The following KDM4E variants were observed in gnomAD, a reference collection of about 807,000 sequenced individuals.
KDM4E encodes lysine demethylase 4E, also known as lysine-specific demethylase 4E.
For synonymous variants in KDM4E, 229 were observed against 232.9 expected, an observed-to-expected ratio of 0.98 and a Z score of 0.15; for missense variants, 576 against 642.6, an observed-to-expected ratio of 0.90 and a Z score of 1.12.
chr11:95,027,267 A>G lies in KDM4E; in HGVS notation c.*189A>G, dbSNP rs1858283709. 1 of 829,334 alleles carries G rather than the reference A, an allele frequency of 1.2e-6. No homozygotes were observed. Among genetic ancestry groups the G allele is most frequent in the Non-Finnish European group, 1.8e-6 (1 of 550,220 alleles). 51.4% of individuals were successfully genotyped at this position (829,334 alleles called of 1,614,324 possible). A position where few individuals can be genotyped will look rare whatever the true frequency, so the allele number is the denominator to read the frequency against. On this transcript the variant is annotated 3_prime_UTR_variant, in exon 1 of 1. Coordinates refer to ENST00000450979, the MANE Select transcript of KDM4E (RefSeq NM_001161630.1). Reference sequence around the variant, plus strand: ...TCCTCCCAATGTCATTGTGCCTTTGATTAAGTTTTCCAGGGACACTGGTGG... The same window carrying G: ...TCCTCCCAATGTCATTGTGCCTTTGGTTAAGTTTTCCAGGGACACTGGTGG...
Position 95,025,382 on chromosome 11 carries a change from T to A in KDM4E, c.-176T>A. 1 of 860,298 alleles carries A rather than the reference T, an allele frequency of 1.2e-6. No homozygotes were observed. The highest frequency in any genetic ancestry group is 2.1e-5 in the South Asian group (1 of 46,788). The allele number at this position is 860,298 out of a possible 1,614,324, so 53.3% of individuals were successfully genotyped here. A position where few individuals can be genotyped will look rare whatever the true frequency, so the allele number is the denominator to read the frequency against. ...ACTAGAGTGGAGTCCCCCTGGGGAGTCAGAAAGCCTGTGAAAGATCTCACT... is the reference window on the plus strand; with the variant it reads ...ACTAGAGTGGAGTCCCCCTGGGGAGACAGAAAGCCTGTGAAAGATCTCACT... On this transcript the variant is annotated 5_prime_UTR_variant, in exon 1 of 1. Coordinates refer to ENST00000450979, the MANE Select transcript of KDM4E (RefSeq NM_001161630.1).
rs782370673 is a variant in KDM4E at position 95,025,562 on chromosome 11, A to G, written c.5A>G (p.Lys2Arg). Reference sequence around the variant, plus strand: ...AGCTGCTTCTTGTGTGCAGCCATGAAGTCTGTGCACTCCAGTCCCCAGAAC... The same window carrying G: ...AGCTGCTTCTTGTGTGCAGCCATGAGGTCTGTGCACTCCAGTCCCCAGAAC... M[K>R]SVHSSPQNTS... The change falls in exon 1 of 1, where the codon AAG (lysine) becomes AGG (arginine). Residue 2 changes from lysine (K) to arginine (R), a missense_variant. Coordinates refer to ENST00000450979, the MANE Select transcript of KDM4E (RefSeq NM_001161630.1). The G allele has an allele frequency of 1.3e-6, 2 of 1,527,102 alleles. No homozygotes were observed. The highest frequency in any genetic ancestry group is 1.8e-6 in the Non-Finnish European group (2 of 1,138,832). The allele number at this position is 1,527,102 out of a possible 1,614,324, so 94.6% of individuals were successfully genotyped here.
chr11:95,026,033 A>T lies in KDM4E; in HGVS notation c.476A>T (p.Asp159Val), dbSNP rs781959672. 1.9e-6 allele frequency: 3 copies of T among 1,611,422 alleles called. No homozygotes were observed. The South Asian group carries it at 3.3e-5, about 18-fold the overall frequency. ...WNLGHLGTILDLLEQECGVVI... is the reference protein window; with the variant it reads ...WNLGHLGTILVLLEQECGVVI... ...CTAGGACACCTGGGAACAATTCTGG[A>T]CCTGTTGGAGCAGGAATGTGGGGTT... Residue 159 changes from aspartate to valine, a missense_variant, in exon 1 of 1, where the codon GAC (aspartate) becomes GTC (valine). Coordinates refer to ENST00000450979, the MANE Select transcript of KDM4E (RefSeq NM_001161630.1).
Position 95,026,868 on chromosome 11 carries a change from T to C in KDM4E, c.1311T>C (p.Ser437=). The C allele has an allele frequency of 6.5e-7, 1 of 1,536,800 alleles. No homozygotes were observed. ...TCCCTTCCACTGGAAGCTGGGGTTC[T>C]GGTCGTGGTCGTGGTCGTGGTCAAG... ...VLLPSTGSWG[S]GRGRGRGQGQ... Residue 437 remains serine (S), a synonymous_variant, in exon 1 of 1, where the codon TCT becomes TCC. Coordinates refer to ENST00000450979, the MANE Select transcript of KDM4E (RefSeq NM_001161630.1).
At position 95,025,490 on chromosome 11, in the gene KDM4E, C is replaced by G; in HGVS notation, c.-68C>G. On this transcript the variant is annotated 5_prime_UTR_variant, in exon 1 of 1. Coordinates refer to ENST00000450979, the MANE Select transcript of KDM4E (RefSeq NM_001161630.1). ...AACAAAGGGGAGAAAAGAAATTACT[C>G]CCCAGAACTCTCAGGCATCTAGAGG... is the stretch of plus-strand genomic sequence containing the variant. 1 of 1,455,538 alleles carries G rather than the reference C, an allele frequency of 6.9e-7. No homozygotes were observed. Among genetic ancestry groups the G allele is most frequent in the Non-Finnish European group, 9.0e-7 (1 of 1,107,456 alleles). 90.2% of individuals were successfully genotyped at this position (1,455,538 alleles called of 1,614,324 possible).
chr11:95,026,059 G>C lies in KDM4E; in HGVS notation c.502G>C (p.Val168Leu). The C allele has an allele frequency of 6.2e-7, 1 of 1,613,620 alleles. No homozygotes were observed. Among genetic ancestry groups the C allele is most frequent in the Non-Finnish European group, 8.5e-7 (1 of 1,179,740 alleles). ...CCTGTTGGAGCAGGAATGTGGGGTT[G>C]TCATCGAGGGTGTCAACACACCCTA... The part of the protein sequence containing the change: ...LDLLEQECGV[V>L]IEGVNTPYLY... The change falls in exon 1 of 1, where the codon GTC becomes CTC. Residue 168 changes from valine to leucine, a missense_variant. Physicochemically the swap from Val to Leu is conservative, Grantham distance 32. Coordinates refer to ENST00000450979, the MANE Select transcript of KDM4E (RefSeq NM_001161630.1).
Position 95,026,425 on chromosome 11 carries a change from A to G in KDM4E, c.868A>G (p.Ile290Val). 6.2e-7 allele frequency: 1 copy of G among 1,612,948 alleles called. No individual in the cohort carries two copies. The highest frequency in any genetic ancestry group is 8.5e-7 in the Non-Finnish European group (1 of 1,180,008). Residue 290 changes from isoleucine (I) to valine (V), a missense_variant, in exon 1 of 1, where the codon ATT becomes GTT. Coordinates refer to ENST00000450979, the MANE Select transcript of KDM4E (RefSeq NM_001161630.1). ...FNHGFNCAEA[I>V]NFATPRWIDY... ...TCACGGCTTCAACTGCGCAGAAGCC[A>G]TTAATTTTGCCACTCCACGATGGAT...
chr11:95,026,951 G>T lies in KDM4E; in HGVS notation c.1394G>T (p.Gly465Val). 1.3e-6 allele frequency: 2 copies of T among 1,537,174 alleles called. No individual in the cohort carries two copies. Among genetic ancestry groups the T allele is most frequent in the Non-Finnish European group, 1.7e-6 (2 of 1,146,900 alleles). The change falls in exon 1 of 1, where the codon GGG becomes GTG. Residue 465 changes from glycine to valine, a missense_variant. Transcript: ENST00000450979. The part of the protein sequence containing the change: ...RGHGCCTREL[G>V]TEEPTVQPAS... ...CATGGTTGTTGTACTCGAGAACTGG[G>T]GACTGAGGAGCCAACTGTTCAGCCT...
chr11:95,027,110 T>G lies in KDM4E; in HGVS notation c.*32T>G, dbSNP rs1555103107. 3.9e-6 allele frequency: 6 copies of G among 1,529,414 alleles called. No homozygotes were observed. The highest frequency in any genetic ancestry group is 1.4e-5 in the African/African-American group (1 of 72,688). The allele number at this position is 1,529,414 out of a possible 1,614,324, so 94.7% of individuals were successfully genotyped here. On this transcript the variant is annotated 3_prime_UTR_variant, in exon 1 of 1. Transcript: ENST00000450979. Reference sequence around the variant, plus strand: ...GCCTTCAGCATCTTGCCAAGGCTTCTGGCTGCTGCTGTGTCCCTGATCTTC... The same window carrying G: ...GCCTTCAGCATCTTGCCAAGGCTTCGGGCTGCTGCTGTGTCCCTGATCTTC...
rs117444219 is a variant in KDM4E at position 95,025,528 on chromosome 11, G to T, written c.-30G>T. ...AGGCATCTAGAGGACACCCAAGAAC[G>T]TGGGAGTCAGCTGCTTCTTGTGTGC... On this transcript the variant is annotated 5_prime_UTR_variant, in exon 1 of 1. Coordinates refer to ENST00000450979, the MANE Select transcript of KDM4E (RefSeq NM_001161630.1). The T allele has an allele frequency of 3.7e-5, 56 of 1,507,766 alleles. No individual in the cohort carries two copies. The highest frequency in any genetic ancestry group is 4.3e-5 in the Non-Finnish European group (48 of 1,128,368). 93.4% of individuals were successfully genotyped at this position (1,507,766 alleles called of 1,614,324 possible).
Position 95,026,237 on chromosome 11 carries a change from T to A in KDM4E, c.680T>A (p.Leu227His). The change falls in exon 1 of 1, where the codon CTC becomes CAC. Residue 227 changes from leucine (L) to histidine (H), a missense_variant. Leu to His is a moderately conservative substitution (Grantham distance 99). Coordinates refer to ENST00000450979, the MANE Select transcript of KDM4E (RefSeq NM_001161630.1). ...GQHLERLARE[L>H]FPDISRGCEA... ...CACCTGGAACGCCTGGCCAGGGAGCTCTTCCCAGACATTTCTCGGGGCTGT... is the reference window on the plus strand; with the variant it reads ...CACCTGGAACGCCTGGCCAGGGAGCACTTCCCAGACATTTCTCGGGGCTGT... The A allele has an allele frequency of 6.2e-7, 1 of 1,614,000 alleles. No individual in the cohort carries two copies. Among genetic ancestry groups the A allele is most frequent in the Non-Finnish European group, 8.5e-7 (1 of 1,179,990 alleles).
In KDM4E at chr11:95,027,543, C is replaced by T. The variant is rs1451878851; in HGVS notation, c.*465C>T. On this transcript the variant is annotated 3_prime_UTR_variant, in exon 1 of 1. Coordinates refer to ENST00000450979, the MANE Select transcript of KDM4E (RefSeq NM_001161630.1). Reference sequence around the variant, plus strand: ...AATGTCAGTGTCTCTCTTATTCCAACCCCAGGATCAGAGAAGATTCTTTAC... The same window carrying T: ...AATGTCAGTGTCTCTCTTATTCCAATCCCAGGATCAGAGAAGATTCTTTAC... 1 of 162,654 alleles carries T rather than the reference C, an allele frequency of 6.1e-6. No individual in the cohort carries two copies. Among genetic ancestry groups the T allele is most frequent in the Non-Finnish European group, 1.4e-5 (1 of 73,274 alleles). 10.1% of individuals were successfully genotyped at this position (162,654 alleles called of 1,614,324 possible). A position where few individuals can be genotyped will look rare whatever the true frequency, so the allele number is the denominator to read the frequency against.
Position 95,025,641 on chromosome 11 carries a change from C to A in KDM4E, c.84C>A (p.Phe28Leu), listed in dbSNP as rs1555102575. The A allele has an allele frequency of 1.8e-5, 28 of 1,538,860 alleles. No individual in the cohort carries two copies. Among genetic ancestry groups the A allele is most frequent in the Non-Finnish European group, 2.3e-5 (26 of 1,147,692 alleles). ...CAACCATGGAAGAATTTGCAGATTT[C>A]AACACATATGTTGCTTACATGGAGT... ...FYPTMEEFAD[F>L]NTYVAYMESQ... Residue 28 changes from phenylalanine to leucine, a missense_variant, in exon 1 of 1, where the codon TTC becomes TTA. Physicochemically the swap from Phe to Leu is conservative, Grantham distance 22. Transcript: ENST00000450979.
Position 95,026,525 on chromosome 11 carries a change from G to T in KDM4E, c.968G>T (p.Arg323Leu), listed in dbSNP as rs139306595. The change falls in exon 1 of 1, where the codon CGC becomes CTC. Residue 323 changes from arginine (R) to leucine (L), a missense_variant. Physicochemically the swap from Arg to Leu is moderately radical, Grantham distance 102. Transcript: ENST00000450979. ...TVTFSMDPFV[R>L]IVQPESYELW... ...ACCTTTTCCATGGACCCCTTTGTGC[G>T]CATTGTGCAACCCGAGAGTTATGAG... 8.3e-6 allele frequency: 13 copies of T among 1,567,268 alleles called. No individual in the cohort carries two copies. In the African/African-American group the frequency reaches 1.2e-4, roughly 15 times the overall value.
rs781981932 is a variant in KDM4E, at chr11:95,026,987, G to C, written c.1430G>C (p.Arg477Thr). 1 of 1,537,222 alleles carries C rather than the reference G, an allele frequency of 6.5e-7. No homozygotes were observed. Among genetic ancestry groups the C allele is most frequent in the South Asian group, 1.2e-5 (1 of 84,054 alleles). ...EEPTVQPASK[R>T]RLLMGTRSRA... is the part of the protein sequence containing the mutation. ...CCAACTGTTCAGCCTGCATCCAAGA[G>C]GCGCCTTTTAATGGGTACAAGGAGT... Residue 477 changes from arginine (R) to threonine (T), a missense_variant, in exon 1 of 1, where the codon AGG (arginine) becomes ACG (threonine). By Grantham distance (71) the Arg-to-Thr change is moderately conservative. Transcript: ENST00000450979.
In KDM4E at chr11:95,026,929, G is replaced by GGTT; in HGVS notation, c.1378_1380dup (p.Cys460dup). On this transcript the variant is annotated inframe_insertion, in exon 1 of 1. Transcript: ENST00000450979. ...AGGTTGCAGTCGTGGTCGTGGTCATGGTTGTTGTACTCGAGAACTGGGGAC... is the reference window on the plus strand; with the variant it reads ...AGGTTGCAGTCGTGGTCGTGGTCATGGTTGTTGTTGTACTCGAGAACTGGGGAC... The GGTT allele has an allele frequency of 6.5e-7, 1 of 1,537,228 alleles. No individual in the cohort carries two copies. The highest frequency in any genetic ancestry group is 2.4e-5 in the East Asian group (1 of 40,912).
chr11:95,027,316 C>T lies in KDM4E; in HGVS notation c.*238C>T. The T allele has an allele frequency of 1.8e-6, 1 of 566,314 alleles. No individual in the cohort carries two copies. Among genetic ancestry groups the T allele is most frequent in the East Asian group, 3.0e-5 (1 of 33,540 alleles). The allele number at this position is 566,314 out of a possible 1,614,324, so 35.1% of individuals were successfully genotyped here. The stretch of plus-strand genomic sequence containing the variant: ...GGGGACTGGAACTGATTAAGTTCAC[C>T]AGGGACACTTGCCTGGTGAACATGG... On this transcript the variant is annotated 3_prime_UTR_variant, in exon 1 of 1. Coordinates refer to ENST00000450979, the MANE Select transcript of KDM4E (RefSeq NM_001161630.1).
In KDM4E at chr11:95,025,461, GA is replaced by G. The variant is rs1337665963; in HGVS notation, c.-92del. 1.4e-6 allele frequency: 2 copies of G among 1,436,506 alleles called. No homozygotes were observed. The highest frequency in any genetic ancestry group is 1.8e-6 in the Non-Finnish European group (2 of 1,098,982). The allele number at this position is 1,436,506 out of a possible 1,614,324, so 89.0% of individuals were successfully genotyped here. On this transcript the variant is annotated 5_prime_UTR_variant, in exon 1 of 1. Transcript: ENST00000450979. ...TCTCACAGATAAACCAAAGTATTTTGAAAAACAAAGGGGAGAAAAGAAATTA... is the reference window on the plus strand; with the variant it reads ...TCTCACAGATAAACCAAAGTATTTTGAAAACAAAGGGGAGAAAAGAAATTA...
At position 95,026,793 on chromosome 11, in the gene KDM4E, T is replaced by A. The variant is rs1555103021; in HGVS notation, c.1236T>A (p.Tyr412Ter). 6.5e-7 allele frequency: 1 copy of A among 1,537,190 alleles called. No individual in the cohort carries two copies. The highest frequency in any genetic ancestry group is 2.0e-5 in the Admixed American group (1 of 50,996). ...GATCCGCATTCCAAAGCTCTGCATA[T>A]CATACCCAGACCCAGTCACTTACCC... ...VPGSAFQSSA[Y>*]HTQTQSLTLG... The change falls in exon 1 of 1, where the codon TAT (tyrosine) becomes TAA (stop). Residue 412 changes from tyrosine to a stop codon, truncating the protein, a stop_gained. Transcript: ENST00000450979. LOFTEE classifies it low-confidence loss of function (END_TRUNC).
Sources: gnomAD v4.1 joint callset for allele counts on GRCh38, gnomAD v4.1.1 for gene constraint, MANE v1.5 for transcripts, NCBI Gene and HGNC (gene_info 2026-07-23, HGNC 2026-07-21) for gene names.